Variants in FGF12 observed in about 807,000 individuals in gnomAD.
FGF12 encodes the protein fibroblast growth factor 12B.
In FGF12, 14 loss-of-function variants were observed where a neutral mutation model predicts 23.6. That is an observed-to-expected ratio of 0.59 (90% CI 0.39 to 0.93). The LOEUF (loss-of-function observed/expected upper bound fraction) is 0.93. Among genes scored for constraint, FGF12 ranks in the 40% least tolerant of loss-of-function variants. The pLI is 0.00. For synonymous variants in FGF12, 62 were observed against 77.3 expected, an observed-to-expected ratio of 0.80 and a Z score of 1.04; for missense variants, 175 against 217.8, an observed-to-expected ratio of 0.80 and a Z score of 1.24.
At chr3:192,686,950 T>A (rs906911495) in intron 2 of FGF12, among the ~76,000 whole-genome samples, 19 of 144,864 alleles carry the variant, frequency 1.3e-4, no homozygotes, top group Non-Finnish European at 2.7e-4. Flanking sequence ...TGCCTCAGCC[T>A]CCCGAGTAGC....
intron 2 of FGF12, among the ~76,000 whole-genome samples, chr3:192,380,565 T>C (rs564242739): frequency 3.5e-4 from 53 of 152,170 alleles, no homozygotes; most frequent in Non-Finnish European, 7.2e-4. Context: ...CACTATCAAA[T>C]GGTAACAATT....
intron 2 of FGF12, among the ~76,000 whole-genome samples, chr3:192,664,752 G>A (rs531339262): frequency 2.8e-4 from 43 of 152,210 alleles, no homozygotes; most frequent in African/African-American, 9.6e-4. Flanking sequence ...GCAACAGAGT[G>A]AGACTCCGTC....
intron 4 of FGF12, among the ~76,000 whole-genome samples, chr3:192,200,800 C>T (rs1341426187): frequency 3.3e-5 from 5 of 152,060 alleles, no homozygotes; most frequent in African/African-American, 7.3e-5. Context: ...AAGGCCTATG[C>T]TCCTTAAGTT....
chr3:192,430,700 C>G (rs1721836626), intron 2 of FGF12, among the ~76,000 whole-genome samples: 1 of 151,922 alleles, frequency 6.6e-6, no homozygotes, highest in South Asian at 2.1e-4. Flanking sequence ...TCCTATTATG[C>G]CTGAAGTAAT....
intron 2 of FGF12, among the ~76,000 whole-genome samples, chr3:192,640,487 A>G (rs1207747449): frequency 6.6e-6 from 1 of 152,196 alleles, no homozygotes; most frequent in African/African-American, 2.4e-5. Context: ...TAGGTTATTC[A>G]GAGCCATTAA....
rs1714605147 is a variant in FGF12, at chr3:192,288,848, T to C, written c.228+46513A>G. Among the ~76,000 whole-genome samples the C allele has an allele frequency of 2.0e-5, 3 of 152,248 alleles. No homozygotes were observed. The South Asian group carries it at 6.2e-4, about 32-fold the overall frequency. On this transcript the variant is annotated intron_variant, in intron 4 of 5. Coordinates refer to ENST00000445105, the MANE Select transcript of FGF12 (RefSeq NM_004113.6). ...TTGGCTGCAAACTGTGCACTCAAGA[T>C]ATAAACACTATATTTCCATTTTAAA...
chr3:192,338,438 A>T lies in FGF12; in HGVS notation c.125-2974T>A, dbSNP rs187341138. 2.0e-3 allele frequency among the ~76,000 whole-genome samples: 298 copies of T among 152,320 alleles called. 2 individuals are homozygous for T. The highest frequency in any genetic ancestry group is 7.0e-3 in the African/African-American group (289 of 41,564). Reference sequence around the variant, plus strand: ...ACCTTCTAACATATCCTGCAACCAGATGTAGGTCCTATGGACCCACTACTG... The same window carrying T: ...ACCTTCTAACATATCCTGCAACCAGTTGTAGGTCCTATGGACCCACTACTG... On this transcript the variant is annotated intron_variant, in intron 3 of 5. Transcript: ENST00000445105.
At chr3:192,200,959 G>T (rs538652025) in intron 4 of FGF12, among the ~76,000 whole-genome samples, 1 of 151,952 alleles carries the variant, frequency 6.6e-6, no homozygotes, top group Non-Finnish European at 1.5e-5. Context: ...GATGGTAAAA[G>T]TATCCTGCTT....
At chr3:192,427,295 C>T (rs902436988) in intron 2 of FGF12, among the ~76,000 whole-genome samples, 3 of 151,650 alleles carry the variant, frequency 2.0e-5, no homozygotes, top group Non-Finnish European at 4.4e-5. Context: ...GCAAGAGAAT[C>T]GCTTGAACCC....
intron 2 of FGF12, among the ~76,000 whole-genome samples, chr3:192,562,257 G>C (rs147659404): frequency 8.5e-5 from 13 of 152,262 alleles, no homozygotes; most frequent in African/African-American, 3.1e-4. Flanking sequence ...AGACTGACTG[G>C]AAGGGATGTG....
intron 4 of FGF12, among the ~76,000 whole-genome samples, chr3:192,261,240 T>C (rs934246500): frequency 6.6e-6 from 1 of 152,156 alleles, no homozygotes; most frequent in East Asian, 1.9e-4. Flanking sequence ...CTGGTCTACC[T>C]GAAAACCTCA....
intron 2 of FGF12, among the ~76,000 whole-genome samples, chr3:192,489,756 C>A (rs899054941): frequency 6.6e-6 from 1 of 151,868 alleles, no homozygotes; most frequent in Non-Finnish European, 1.5e-5. Flanking sequence ...GTATAAATGG[C>A]AACACACTAA....
chr3:192,193,639 A>G (rs1716914938), intron 4 of FGF12, among the ~76,000 whole-genome samples: 2 of 152,192 alleles, frequency 1.3e-5, no homozygotes, highest in Non-Finnish European at 2.9e-5. Context: ...TACACTCTAT[A>G]GTCTCACCCT....
At chr3:192,599,406 T>C (rs1391373972) in intron 2 of FGF12, among the ~76,000 whole-genome samples, 1 of 151,962 alleles carries the variant, frequency 6.6e-6, no homozygotes, top group African/African-American at 2.4e-5. Flanking sequence ...AAAAAATATC[T>C]CGACTACTTA....
In FGF12 at chr3:192,374,906, C is replaced by T. The variant is rs546952916; in HGVS notation, c.14-14368G>A. ...AGCATTTTCCATAATTGCTTCAAAT[C>T]GTTTTATAGAATCAAACCATTACAG... On this transcript the variant is annotated intron_variant, in intron 2 of 5. Transcript: ENST00000445105. 1.2e-3 allele frequency among the ~76,000 whole-genome samples: 180 copies of T among 152,260 alleles called. No homozygotes were observed. In the Middle Eastern group the frequency reaches 0.017, roughly 14 times the overall value.
At chr3:192,719,334 G>A (rs1247125637) in intron 2 of FGF12, among the ~76,000 whole-genome samples, 1 of 152,148 alleles carries the variant, frequency 6.6e-6, no homozygotes, top group Admixed American at 6.5e-5. Flanking sequence ...GACTGGCACT[G>A]ATTGGTCTGT....
intron 2 of FGF12, among the ~76,000 whole-genome samples, chr3:192,459,063 C>T (rs1255173075): frequency 6.6e-6 from 1 of 152,190 alleles, no homozygotes; most frequent in Non-Finnish European, 1.5e-5. Context: ...ATTCTGAGGC[C>T]TCCCCAGCTA....
intron 2 of FGF12, among the ~76,000 whole-genome samples, chr3:192,556,874 C>T (rs1711802904): frequency 6.6e-6 from 1 of 151,842 alleles, no homozygotes; most frequent in Admixed American, 6.6e-5. Context: ...TGGATTGAAA[C>T]TAGAAATTAA....
chr3:192,373,990 C>G (rs190643602), intron 2 of FGF12, among the ~76,000 whole-genome samples: 31 of 152,234 alleles, frequency 2.0e-4, no homozygotes, highest in Non-Finnish European at 8.8e-5. Context: ...ACACCTATAA[C>G]CTATTTTAAA....
Sources: gnomAD v4.1 joint callset for allele counts (sites outside exome capture counted in the v4.1 genomes callset) on GRCh38, gnomAD v4.1.1 for gene constraint, MANE v1.5 for transcripts, NCBI Gene and HGNC (gene_info 2026-07-23, HGNC 2026-07-21) for gene names.